Variants in PTPRK observed in about 807,000 individuals in gnomAD.
The protein encoded by PTPRK is protein tyrosine phosphatase receptor type K.
PTPRK carries 75 observed loss-of-function variants against 178.0 expected under a neutral mutation model. The ratio of observed to expected loss-of-function variants is 0.42; its 90% CI spans 0.35 to 0.51. The LOEUF (loss-of-function observed/expected upper bound fraction) is 0.51. Among genes scored for constraint, PTPRK ranks in the 20% least tolerant of loss-of-function variants. The pLI is 0.02. For synonymous variants in PTPRK, 637 were observed against 620.6 expected (o/e 1.03, Z -0.39); for missense variants, 1,441 against 1,797.8 (o/e 0.80, Z 3.59).
intron 2 of PTPRK, among the ~76,000 whole-genome samples, chr6:128,337,130 T>C (rs1236586481): frequency 1.3e-5 from 2 of 152,188 alleles, no homozygotes; most frequent in Non-Finnish European, 2.9e-5. Context: ...TCCTACCTTC[T>C]TCATAAGCTC....
At chr6:127,992,554 T>C (rs1776727705) in intron 19 of PTPRK, 119 bp downstream of exon 19, 1 of 738,778 alleles carries the variant, frequency 1.4e-6, no homozygotes, top group Non-Finnish European at 2.2e-6. Context: ...GGAGCAGTGT[T>C]AATCAGAAGG....
intron 2 of PTPRK, among the ~76,000 whole-genome samples, chr6:128,376,157 G>A (rs1435187940): frequency 2.0e-5 from 3 of 152,158 alleles, no homozygotes; most frequent in African/African-American, 7.2e-5. Flanking sequence ...GGTACTCATT[G>A]TGGGGGCATC....
chr6:128,206,117 CATTTT>C (rs1212453138), intron 6 of PTPRK, among the ~76,000 whole-genome samples: 2 of 151,900 alleles, frequency 1.3e-5, no homozygotes, highest in Non-Finnish European at 2.9e-5. Flanking sequence ...GCATCTTAGT[CATTTT>C]ATTAGCAATA....
At chr6:127,999,926 G>T in intron 15 of PTPRK, 9 of 892,088 alleles carry the variant, frequency 1.0e-5, no homozygotes, top group Non-Finnish European at 1.2e-5. Flanking sequence ...AGCTTAAAAA[G>T]AAAAGAAACT....
intron 13 of PTPRK, among the ~76,000 whole-genome samples, chr6:128,057,830 A>C (rs1780157511): frequency 6.6e-6 from 1 of 152,226 alleles, no homozygotes; most frequent in African/African-American, 2.4e-5. Flanking sequence ...ATATCTAGAT[A>C]ATATAATATT....
chr6:128,465,838 A>G (rs72986208), intron 1 of PTPRK, among the ~76,000 whole-genome samples: 5,838 of 152,118 alleles, frequency 0.038, 187 homozygotes, highest in Non-Finnish European at 0.055. Flanking sequence ...CCTGTGCCCA[A>G]GCTCCCACTA....
In PTPRK at chr6:128,238,670, A is replaced by C. The variant is rs182499396; in HGVS notation, c.693+1365T>G. The stretch of plus-strand genomic sequence containing the variant: ...TTATTTAGGCATAGGAAGAGAAATA[A>C]GAAAACTGACTTGACATTTATTTGA... On this transcript the variant is annotated intron_variant, in intron 5 of 29. Transcript: ENST00000368226. Among the ~76,000 whole-genome samples, 676 of 152,352 alleles carry C rather than the reference A, an allele frequency of 4.4e-3. 4 individuals carry two copies. The highest frequency in any genetic ancestry group is 0.015 in the African/African-American group (626 of 41,594).
chr6:128,332,264 G>T (rs1426117969), intron 2 of PTPRK, among the ~76,000 whole-genome samples: 1 of 152,088 alleles, frequency 6.6e-6, no homozygotes, highest in African/African-American at 2.4e-5. Flanking sequence ...TAGTTAAAAG[G>T]ATTAGTGCCA....
intron 18 of PTPRK, among the ~76,000 whole-genome samples, chr6:127,993,292 T>C (rs1360494244): frequency 2.6e-5 from 4 of 151,748 alleles, no homozygotes; most frequent in Non-Finnish European, 5.9e-5. Context: ...CACATAATTA[T>C]AGATACACAC....
At chr6:128,162,620 C>T (rs1406563572) in intron 7 of PTPRK, among the ~76,000 whole-genome samples, 1 of 151,696 alleles carries the variant, frequency 6.6e-6, no homozygotes, top group Non-Finnish European at 1.5e-5. Context: ...ACTTCATGTG[C>T]TCAATTAATG....
intron 7 of PTPRK, among the ~76,000 whole-genome samples, chr6:128,113,810 C>A (rs1791056645): frequency 6.6e-6 from 1 of 152,088 alleles, no homozygotes; most frequent in South Asian, 2.1e-4. Context: ...AGGAAGAAGT[C>A]ACAGTCCTCT....
chr6:128,252,025 C>T (rs1816546698), intron 3 of PTPRK, among the ~76,000 whole-genome samples: 1 of 152,148 alleles, frequency 6.6e-6, no homozygotes, highest in African/African-American at 2.4e-5. Context: ...AACAACAGAA[C>T]ATCAGTCAAA....
chr6:128,471,318 T>G (rs1850621333), intron 1 of PTPRK, among the ~76,000 whole-genome samples: 1 of 152,032 alleles, frequency 6.6e-6, no homozygotes, highest in African/African-American at 2.4e-5. Flanking sequence ...AAATAAAATT[T>G]TACTTTTCAA....
At chr6:128,315,390 T>A (rs1046684898) in intron 3 of PTPRK, among the ~76,000 whole-genome samples, 2 of 152,040 alleles carry the variant, frequency 1.3e-5, no homozygotes, top group Admixed American at 6.6e-5. Context: ...AGAAGAATGA[T>A]TTTTTAACAG....
rs62425726 is a variant in PTPRK, at chr6:128,429,178, T to G, written c.101-31490A>C. Among the ~76,000 whole-genome samples the G allele has an allele frequency of 8.4e-3, 1,282 of 152,310 alleles. 16 individuals are homozygous for G. Among genetic ancestry groups the G allele is most frequent in the Non-Finnish European group, 0.014 (931 of 68,026 alleles). ...ATGTGTGTGTCAATTTCATCATCCT[T>G]AAAAGGAGGGACAGGAACACATGAC... On this transcript the variant is annotated intron_variant, in intron 1 of 29. Transcript: ENST00000368226.
At chr6:128,331,388 G>A (rs961616672) in intron 2 of PTPRK, among the ~76,000 whole-genome samples, 1 of 152,016 alleles carries the variant, frequency 6.6e-6, no homozygotes, top group African/African-American at 2.4e-5. Flanking sequence ...CCCTAACAGA[G>A]GGACTGTGTA....
intron 7 of PTPRK, among the ~76,000 whole-genome samples, chr6:128,117,973 T>C (rs1375800923): frequency 6.6e-6 from 1 of 152,158 alleles, no homozygotes; most frequent in African/African-American, 2.4e-5. Flanking sequence ...AATGCTTGTA[T>C]TTTATAATTC....
Position 127,998,709 on chromosome 6 carries a change from A to G in PTPRK, c.2679+11T>C. ...AAAATCAAATTCAATACAGTATCAAAACTTATTCACCTCATATTCCTCTTT... is the reference window on the plus strand; with the variant it reads ...AAAATCAAATTCAATACAGTATCAAGACTTATTCACCTCATATTCCTCTTT... On this transcript the variant is annotated intron_variant, in intron 16 of 29. Coordinates refer to ENST00000368226, the MANE Select transcript of PTPRK (RefSeq NM_002844.4). 1.9e-6 allele frequency: 3 copies of G among 1,548,280 alleles called. No homozygotes were observed. The highest frequency in any genetic ancestry group is 2.6e-6 in the Non-Finnish European group (3 of 1,141,816).
Position 127,976,722 on chromosome 6 carries a change from A to G in PTPRK, c.3904T>C (p.Cys1302Arg). The G allele has an allele frequency of 6.2e-7, 1 of 1,613,884 alleles. No homozygotes were observed. Among genetic ancestry groups the G allele is most frequent in the Non-Finnish European group, 8.5e-7 (1 of 1,179,902 alleles). ...TCACAGTCCATTGAACAAGACATAC[A>G]TTCCACTTGGATGGGGCCATATCGT... ...MLRYGPIQVE[C>R]MSCSMDCDVI... Residue 1302 changes from cysteine (C) to arginine (R), a missense_variant, in exon 27 of 30, where the codon TGT becomes CGT. Coordinates refer to ENST00000368226, the MANE Select transcript of PTPRK (RefSeq NM_002844.4).
Sources: allele counts gnomAD v4.1 joint callset (sites outside exome capture counted in the v4.1 genomes callset), GRCh38; gene constraint gnomAD v4.1.1; transcripts MANE v1.5; gene names NCBI Gene and HGNC (gene_info 2026-07-23, HGNC 2026-07-21).